AVEN: variants seen among roughly 807,000 people sequenced by gnomAD.
AVEN encodes apoptosis and caspase activation inhibitor, also known as cell death regulator Aven.
A neutral mutation model predicts 38.1 loss-of-function variants in AVEN; 41 were observed. The ratio of observed to expected loss-of-function variants is 1.08; its 90% confidence interval spans 0.84 to 1.40. The LOEUF (loss-of-function observed/expected upper bound fraction) is 1.40. Among genes scored for constraint, AVEN ranks in the 40% most tolerant of loss-of-function variants. The pLI is 0.00. For synonymous variants in AVEN, 206 were observed against 171.8 expected (o/e 1.20, Z -1.56); for missense variants, 605 against 438.8 (o/e 1.38, Z -3.38).
chr15:33,884,957 G>A (rs1237654992), intron 2 of AVEN, among the ~76,000 whole-genome samples: 2 of 152,130 alleles, frequency 1.3e-5, no homozygotes, highest in East Asian at 1.9e-4. Context: ...GAATCTTTGT[G>A]GTGTCTCCTT....
At chr15:33,899,638 T>TC (rs913065162) in intron 2 of AVEN, among the ~76,000 whole-genome samples, 2 of 86,034 alleles carry the variant, frequency 2.3e-5, no homozygotes, top group African/African-American at 3.4e-5. Context: ...CCAGCTGATT[T>TC]TTTATTTTTA....
At position 33,866,270 on chromosome 15, in the gene AVEN, G is replaced by C. The variant is rs1185805972; in HGVS notation, c.*343C>G. On this transcript the variant is annotated 3_prime_UTR_variant, in exon 6 of 6. Transcript: ENST00000306730. Reference sequence around the variant, plus strand: ...TTTATTTTGGCCAAATGCATGCCTTGTTTGCATCTATTCTCTTAATCAGCA... The same window carrying C: ...TTTATTTTGGCCAAATGCATGCCTTCTTTGCATCTATTCTCTTAATCAGCA... The C allele has an allele frequency of 2.5e-5, 6 of 238,022 alleles. No homozygotes were observed. The highest frequency in any genetic ancestry group is 9.2e-5 in the East Asian group (1 of 10,826). 14.7% of individuals were successfully genotyped at this position (238,022 alleles called of 1,614,324 possible). A position where few individuals can be genotyped will look rare whatever the true frequency, so the allele number is the denominator to read the frequency against.
downstream of AVEN, chr15:33,856,936 C>T (rs1033642899): frequency 3.3e-5 from 5 of 152,222 alleles, no homozygotes; most frequent in South Asian, 2.1e-4. Flanking sequence ...GGATTACAGG[C>T]GTGAGCCACC....
At chr15:33,985,732 G>C (rs1027820869) in intron 2 of AVEN, among the ~76,000 whole-genome samples, 1 of 152,084 alleles carries the variant, frequency 6.6e-6, no homozygotes, top group Non-Finnish European at 1.5e-5. Flanking sequence ...CTATAAGCTA[G>C]AAATCTTGAG....
chr15:33,905,707 C>T (rs553776998), intron 2 of AVEN, among the ~76,000 whole-genome samples: 6 of 152,102 alleles, frequency 3.9e-5, no homozygotes, highest in African/African-American at 1.2e-4. Flanking sequence ...CACCTGTGGT[C>T]CCAGAGGGAG....
In AVEN at chr15:33,867,633, C is replaced by T. The variant is rs748434287; in HGVS notation, c.835G>A (p.Gly279Arg). The change falls in exon 5 of 6, where the codon GGA (glycine) becomes AGA (arginine). Residue 279 changes from glycine to arginine, a missense_variant. Coordinates refer to ENST00000306730, the MANE Select transcript of AVEN (RefSeq NM_020371.3). ...QKPTSPLQSA[G>R]DHLEEELDLL... The stretch of plus-strand genomic sequence containing the variant: ...TCTAGTTCTTCTTCCAAATGGTCTC[C>T]TGCTGACTGCAGTGGGGAAGTGGGT... The T allele has an allele frequency of 1.2e-6, 2 of 1,614,182 alleles. No homozygotes were observed.
At chr15:34,010,859 C>T (rs183246506) in intron 1 of AVEN, among the ~76,000 whole-genome samples, 23 of 152,122 alleles carry the variant, frequency 1.5e-4, no homozygotes, top group African/African-American at 5.5e-4. Flanking sequence ...AGTTAATTGC[C>T]AACTTTTATA....
At chr15:34,027,397 T>C (rs1231782287) in intron 1 of AVEN, among the ~76,000 whole-genome samples, 1 of 151,620 alleles carries the variant, frequency 6.6e-6, no homozygotes, top group Non-Finnish European at 1.5e-5. Context: ...GGCGTGTTGG[T>C]GGGCACCTGT....
intron 2 of AVEN, among the ~76,000 whole-genome samples, chr15:33,902,040 T>C (rs1195159371): frequency 6.6e-6 from 1 of 152,228 alleles, no homozygotes; most frequent in Admixed American, 6.5e-5. Flanking sequence ...ATATAGTTCA[T>C]GTATTTATTT....
intron 2 of AVEN, among the ~76,000 whole-genome samples, chr15:33,882,215 C>A (rs1212705958): frequency 6.6e-6 from 1 of 152,138 alleles, no homozygotes; most frequent in African/African-American, 2.4e-5. Flanking sequence ...CCATAATATT[C>A]TACTACTTTA....
At chr15:33,864,894 G>A (rs549548482), downstream of AVEN, 2 of 469,988 alleles carry the variant, frequency 4.3e-6, no homozygotes, top group Admixed American at 3.8e-5. Flanking sequence ...TTTCAGTTTT[G>A]CTTGTTTGGG....
chr15:33,919,372 A>G (rs1198180012), intron 2 of AVEN, among the ~76,000 whole-genome samples: 2 of 152,222 alleles, frequency 1.3e-5, no homozygotes, highest in Non-Finnish European at 2.9e-5. Context: ...TAGCAAGGCA[A>G]TTCTAACTTT....
At chr15:33,960,420 C>CGTGTGT (rs530669371) in intron 2 of AVEN, among the ~76,000 whole-genome samples, 1 of 143,180 alleles carries the variant, frequency 7.0e-6, no homozygotes, top group African/African-American at 2.8e-5. Context: ...GTCTGTGTCT[C>CGTGTGT]GTGTGTGTGT....
chr15:34,014,597 G>A (rs1399667252), intron 1 of AVEN, among the ~76,000 whole-genome samples: 1 of 152,136 alleles, frequency 6.6e-6, no homozygotes, highest in Non-Finnish European at 1.5e-5. Context: ...AGACCTGTAA[G>A]GTAGGTACCA....
intron 1 of AVEN, among the ~76,000 whole-genome samples, chr15:34,016,746 C>T (rs1260980467): frequency 6.6e-6 from 1 of 152,140 alleles, no homozygotes; most frequent in Non-Finnish European, 1.5e-5. Flanking sequence ...ACCAGCGTAA[C>T]CGTTTGGTCA....
downstream of AVEN, among the ~76,000 whole-genome samples, chr15:33,863,682 C>CTCCATGAGATTA (rs1323821532): frequency 6.6e-6 from 1 of 152,196 alleles, no homozygotes; most frequent in East Asian, 1.9e-4. Flanking sequence ...CTGGAAGAAT[C>CTCCATGAGATTA]TCCATGAGAT....
At chr15:33,879,740 G>C (rs537558056) in intron 2 of AVEN, among the ~76,000 whole-genome samples, 79 of 152,066 alleles carry the variant, frequency 5.2e-4, no homozygotes, top group African/African-American at 1.6e-3. Flanking sequence ...AAATGATAAA[G>C]GACACCCCTA....
chr15:34,030,476 G>T (rs1898731892), intron 1 of AVEN, among the ~76,000 whole-genome samples: 1 of 152,016 alleles, frequency 6.6e-6, no homozygotes, highest in African/African-American at 2.4e-5. Context: ...CTCTCAAGTA[G>T]CTGGGACTAC....
At chr15:33,938,617 C>T (rs1042820358) in intron 2 of AVEN, among the ~76,000 whole-genome samples, 1 of 152,164 alleles carries the variant, frequency 6.6e-6, no homozygotes, top group African/African-American at 2.4e-5. Context: ...CAAAGAACTA[C>T]AAATCTCAAC....
Sources: gnomAD v4.1 joint callset for allele counts (sites outside exome capture counted in the v4.1 genomes callset) on GRCh38, gnomAD v4.1.1 for gene constraint, MANE v1.5 for transcripts, NCBI Gene and HGNC (gene_info 2026-07-23, HGNC 2026-07-21) for gene names.